The following NBPF4 variants were observed in gnomAD, a reference collection of about 807,000 sequenced individuals.
NBPF4 encodes the protein NBPF member 4, also known as NBPF family member NBPF4.
NBPF4 carries 11 observed loss-of-function variants against 21.1 expected under a neutral mutation model. That is an observed-to-expected ratio of 0.52 (90% CI 0.33 to 0.86). The LOEUF (loss-of-function observed/expected upper bound fraction) is 0.86. NBPF4 is among the 40% of genes least tolerant of loss of function. The probability of loss-of-function intolerance (pLI) is 0.03; values close to 1 mark genes in which losing one functional copy is unlikely to be tolerated. For missense variants in NBPF4, 88 were observed against 265.3 expected (o/e 0.33, Z 4.64); for synonymous variants, 47 against 106.4 (o/e 0.44, Z 3.43).
rs186988716 is a variant in NBPF4, at chr1:108,223,314, G to A, written c.*391C>T. 1.0e-3 allele frequency: 190 copies of A among 190,472 alleles called. 2 individuals carry two copies. The highest frequency in any genetic ancestry group is 3.3e-4 in the Non-Finnish European group (30 of 91,436). 11.8% of individuals were successfully genotyped at this position (190,472 alleles called of 1,614,324 possible). A position where few individuals can be genotyped will look rare whatever the true frequency, so the allele number is the denominator to read the frequency against. ...ATTCTGCAGTTATCTGAGGGTTACCGCCTATGAAACTCAGGCTAAGCGTTT... is the reference window on the plus strand; with the variant it reads ...ATTCTGCAGTTATCTGAGGGTTACCACCTATGAAACTCAGGCTAAGCGTTT... On this transcript the variant is annotated 3_prime_UTR_variant, in exon 15 of 15. Transcript: ENST00000415641.
the NBPF4 span, among the ~76,000 whole-genome samples, chr1:108,268,459 A>G: frequency 6.6e-6 from 1 of 152,228 alleles, no homozygotes; most frequent in African/African-American, 2.4e-5. Flanking sequence ...GCATATAGCA[A>G]TAGAACATTT....
At chr1:108,244,974 A>G (rs1219505834), upstream of NBPF4, among the ~76,000 whole-genome samples, 1 of 81,290 alleles carries the variant, frequency 1.2e-5, no homozygotes, top group Non-Finnish European at 2.4e-5. Context: ...TTGCTCTAAC[A>G]CTGTTGATGT....
chr1:108,246,628 C>G (rs1289880932), upstream of NBPF4, among the ~76,000 whole-genome samples: 1 of 94,360 alleles, frequency 1.1e-5, no homozygotes, highest in Non-Finnish European at 2.1e-5. Context: ...CATTTCCACG[C>G]ACTGTCCAAT....
chr1:108,263,412 T>TA, the NBPF4 span, among the ~76,000 whole-genome samples: 3 of 138,258 alleles, frequency 2.2e-5, no homozygotes, highest in African/African-American at 8.5e-5. Flanking sequence ...ATGGAACCTA[T>TA]GACTGATTGG....
Position 108,229,084 on chromosome 1 carries a change from A to G in NBPF4, c.1496T>C (p.Val499Ala), listed in dbSNP as rs1277647255. 11 of 1,551,126 alleles carry G rather than the reference A, an allele frequency of 7.1e-6. No individual in the cohort carries two copies. The highest frequency in any genetic ancestry group is 9.6e-6 in the Non-Finnish European group (11 of 1,146,532). ...GCTTGGTTCCAGCTGTGCCTGTGAA[A>G]CTTGCACCTCTGACTGGTGGTGGCT... Reference protein sequence around the residue: ...DLSHHQSEVQVSQAQLEPSTL... With the variant: ...DLSHHQSEVQASQAQLEPSTL... Residue 499 changes from valine (V) to alanine (A), a missense_variant, in exon 13 of 15, where the codon GTT becomes GCT. By Grantham distance (64) the Val-to-Ala change is moderately conservative (BLOSUM62 0). Coordinates refer to ENST00000415641, the MANE Select transcript of NBPF4 (RefSeq NM_001143989.3).
intron 3 of NBPF4, among the ~76,000 whole-genome samples, 169 bp from the exon 4 acceptor site, chr1:108,241,333 TATATATACAC>T (rs1649703378): frequency 3.8e-5 from 5 of 130,042 alleles, no homozygotes; most frequent in African/African-American, 1.2e-4. Context: ...TATATATATA[TATATATACAC>T]ACACACACAC....
At chr1:108,268,371 G>GAA in the NBPF4 span, among the ~76,000 whole-genome samples, 6 of 151,810 alleles carry the variant, frequency 4.0e-5, no homozygotes, top group African/African-American at 1.5e-4. Flanking sequence ...AAAAAAGTAA[G>GAA]AAAGTTTCCA....
chr1:108,248,179 A>G (rs1331979238), upstream of NBPF4, among the ~76,000 whole-genome samples: 1 of 151,264 alleles, frequency 6.6e-6, no homozygotes, highest in Non-Finnish European at 1.5e-5. Context: ...TTTTATCTTG[A>G]TATACTTCTA....
upstream of NBPF4, among the ~76,000 whole-genome samples, chr1:108,244,947 TACACACAC>T (rs372222400): frequency 1.3e-3 from 44 of 34,922 alleles, 1 homozygote; most frequent in African/African-American, 2.7e-3. Flanking sequence ...TATATATATA[TACACACAC>T]ATATAGAGTT....
At chr1:108,233,515 CT>C in intron 10 of NBPF4, among the ~76,000 whole-genome samples, 1 of 70,300 alleles carries the variant, frequency 1.4e-5, no homozygotes, top group African/African-American at 4.4e-5. Context: ...ACCCCAGCTG[CT>C]TTCTAGAAGG....
chr1:108,266,160 A>T, the NBPF4 span, among the ~76,000 whole-genome samples: 1 of 145,734 alleles, frequency 6.9e-6, no homozygotes, highest in Admixed American at 6.9e-5. Flanking sequence ...TTGGAAAAAA[A>T]AAAAAAGGCA....
At chr1:108,268,835 A>G in the NBPF4 span, among the ~76,000 whole-genome samples, 1 of 136,668 alleles carries the variant, frequency 7.3e-6, no homozygotes, top group South Asian at 2.6e-4. Flanking sequence ...ATAGTCTAGT[A>G]GGGAAGACAG....
At chr1:108,247,922 T>C (rs1180237176), upstream of NBPF4, among the ~76,000 whole-genome samples, 2 of 149,836 alleles carry the variant, frequency 1.3e-5, no homozygotes, top group Non-Finnish European at 3.0e-5. Flanking sequence ...CAAGTGATCC[T>C]CCTGCCTCAG....
At position 108,223,078 on chromosome 1, in the gene NBPF4, C is replaced by A. The variant is rs970958115; in HGVS notation, c.*627G>T. On this transcript the variant is annotated 3_prime_UTR_variant, in exon 15 of 15. Transcript: ENST00000415641. Reference sequence around the variant, plus strand: ...CCATTGAGCCAGACAGCTGACCTGTCCTCCACAAACAAGTCCATGTCACCA... The same window carrying A: ...CCATTGAGCCAGACAGCTGACCTGTACTCCACAAACAAGTCCATGTCACCA... Among the ~76,000 whole-genome samples the A allele has an allele frequency of 2.0e-5, 3 of 152,174 alleles. No individual in the cohort carries two copies. Among genetic ancestry groups the A allele is most frequent in the African/African-American group, 7.2e-5 (3 of 41,450 alleles).
upstream of NBPF4, among the ~76,000 whole-genome samples, chr1:108,246,114 G>C (rs1306925503): frequency 1.8e-5 from 2 of 113,738 alleles, 1 homozygote; most frequent in African/African-American, 6.7e-5. Flanking sequence ...TGAGACACCA[G>C]AGAATAGATA....
At position 108,222,668 on chromosome 1, in the gene NBPF4, C is replaced by T. The variant is rs1294664433; in HGVS notation, c.*1037G>A. On this transcript the variant is annotated 3_prime_UTR_variant, in exon 15 of 15. Transcript: ENST00000415641. ...TGATCTTTTTTACAAAGAATGCCAG[C>T]AAAAGCAAGTATAAGGTAAGATTTT... 6.6e-6 allele frequency among the ~76,000 whole-genome samples: 1 copy of T among 152,054 alleles called. No homozygotes were observed. Among genetic ancestry groups the T allele is most frequent in the Non-Finnish European group, 1.5e-5 (1 of 68,028 alleles).
Position 108,223,372 on chromosome 1 carries a change from C to T in NBPF4, c.*333G>A. 2 of 277,222 alleles carry T rather than the reference C, an allele frequency of 7.2e-6. No homozygotes were observed. Among genetic ancestry groups the T allele is most frequent in the South Asian group, 5.6e-5 (1 of 18,014 alleles). 17.2% of individuals were successfully genotyped at this position (277,222 alleles called of 1,614,324 possible). ...GAACATGGCATTGCTCATACTCTGC[C>T]CTGGCAGAGTCCCGGCTGACATGCT... is the stretch of plus-strand genomic sequence containing the variant. On this transcript the variant is annotated 3_prime_UTR_variant, in exon 15 of 15. Transcript: ENST00000415641.
At chr1:108,241,331 TATATATATAC>T (rs1195828469) in intron 3 of NBPF4, among the ~76,000 whole-genome samples, 167 bp from the exon 4 acceptor site, 1 of 130,424 alleles carries the variant, frequency 7.7e-6, no homozygotes, top group Admixed American at 8.2e-5. Flanking sequence ...AATATATATA[TATATATATAC>T]ACACACACAC....
In NBPF4 at chr1:108,223,738, A is replaced by G; in HGVS notation, c.1884T>C (p.Asn628=). The part of the protein sequence containing the change: ...GPHAESAEIP[N]TAGRTQRMAG ...CCATCCTTTGCGTCCTTCCAGCAGT[A>G]TTTGGTATCTGTAGGGGAGAGAGAG... The change falls in exon 15 of 15, where the codon AAT becomes AAC. Residue 628 remains asparagine (N), a synonymous_variant. Transcript: ENST00000415641. 1 of 1,556,026 alleles carries G rather than the reference A, an allele frequency of 6.4e-7. No homozygotes were observed. The highest frequency in any genetic ancestry group is 8.7e-7 in the Non-Finnish European group (1 of 1,149,516).
Sources: gnomAD v4.1 joint callset for allele counts (sites outside exome capture counted in the v4.1 genomes callset) on GRCh38, gnomAD v4.1.1 for gene constraint, MANE v1.5 for transcripts, NCBI Gene and HGNC (gene_info 2026-07-23, HGNC 2026-07-21) for gene names.